The following THSD4 variants were observed in gnomAD, a reference collection of about 807,000 sequenced individuals.
THSD4 encodes the protein thrombospondin type 1 domain containing 4.
THSD4 carries 69 observed loss-of-function variants against 119.0 expected under a neutral mutation model. The ratio of observed to expected loss-of-function variants is 0.58; its 90% CI spans 0.48 to 0.71. THSD4 has a LOEUF of 0.71. Among genes scored for constraint, THSD4 ranks in the 30% least tolerant of loss-of-function variants. THSD4 has a pLI of 0.00. For missense variants in THSD4, 1,393 were observed against 1,391.1 expected, an observed-to-expected ratio of 1.00 and a Z score of -0.02; for synonymous variants, 524 against 540.4, an observed-to-expected ratio of 0.97 and a Z score of 0.42.
Position 71,672,802 on chromosome 15 carries a change from G to T in THSD4, c.1357+12068G>T, listed in dbSNP as rs570721443. On this transcript the variant is annotated intron_variant, in intron 8 of 17. Coordinates refer to ENST00000261862, the MANE Select transcript of THSD4 (RefSeq NM_024817.3). ...TGACGGATTATGTTTATTGATTTGC[G>T]TATGTTGAACCAGCCTTGGATCCCA... 1.8e-4 allele frequency among the ~76,000 whole-genome samples: 27 copies of T among 152,236 alleles called. No homozygotes were observed. The South Asian group carries it at 1.9e-3, about 11-fold the overall frequency.
intron 4 of THSD4, among the ~76,000 whole-genome samples, chr15:71,235,404 T>G (rs2044095422): frequency 6.6e-6 from 1 of 152,198 alleles, no homozygotes; most frequent in South Asian, 2.1e-4. Flanking sequence ...CAGTAGTATC[T>G]TAGATTTTCT....
chr15:71,206,026 T>C (rs919737650), intron 3 of THSD4, among the ~76,000 whole-genome samples: 1 of 152,144 alleles, frequency 6.6e-6, no homozygotes, highest in Non-Finnish European at 1.5e-5. Context: ...AAACCTCCCA[T>C]CTGTTCTTCA....
chr15:71,295,186 G>T (rs1275149002), intron 6 of THSD4, among the ~76,000 whole-genome samples: 1 of 152,148 alleles, frequency 6.6e-6, no homozygotes, highest in African/African-American at 2.4e-5. Flanking sequence ...TTCCTTACTG[G>T]TCCTGCAGTG....
chr15:71,688,099 C>G (rs1223366010), intron 8 of THSD4, among the ~76,000 whole-genome samples: 1 of 152,218 alleles, frequency 6.6e-6, no homozygotes, highest in African/African-American at 2.4e-5. Flanking sequence ...GAGCACAAAT[C>G]TGTATTTTCC....
intron 14 of THSD4, among the ~76,000 whole-genome samples, chr15:71,756,136 T>G (rs771305580): frequency 1.3e-5 from 2 of 152,160 alleles, no homozygotes; most frequent in Non-Finnish European, 2.9e-5. Flanking sequence ...TCAGAGGGAA[T>G]TTTTAGCATG....
intron 8 of THSD4, among the ~76,000 whole-genome samples, chr15:71,717,024 G>A (rs1254248555): frequency 6.6e-6 from 1 of 152,210 alleles, no homozygotes; most frequent in East Asian, 1.9e-4. Context: ...CTCTGTGCCA[G>A]GAGGAAGATG....
chr15:71,100,168 T>C (rs905623845), intron 1 of THSD4, among the ~76,000 whole-genome samples: 1 of 152,232 alleles, frequency 6.6e-6, no homozygotes, highest in Non-Finnish European at 1.5e-5. Context: ...TTGTTTAATC[T>C]CCACTCCTTA....
chr15:71,324,107 T>C (rs1457889748), intron 6 of THSD4, among the ~76,000 whole-genome samples: 1 of 152,166 alleles, frequency 6.6e-6, no homozygotes, highest in Non-Finnish European at 1.5e-5. Context: ...GAAATGTTAA[T>C]ACCGCAGGTA....
intron 8 of THSD4, 56 bp from the exon 9 acceptor site, chr15:71,728,493 T>C: frequency 6.3e-7 from 1 of 1,590,388 alleles, no homozygotes; most frequent in Admixed American, 1.7e-5. Context: ...GAGTCAGTTC[T>C]GTTTCTTGTG....
At chr15:71,379,312 A>C (rs570957152) in intron 6 of THSD4, among the ~76,000 whole-genome samples, 1 of 151,902 alleles carries the variant, frequency 6.6e-6, no homozygotes, top group African/African-American at 2.4e-5. Context: ...TTACATGGCT[A>C]TTGTTTTCTT....
intron 6 of THSD4, among the ~76,000 whole-genome samples, chr15:71,306,073 T>G (rs1400747160): frequency 6.6e-6 from 1 of 152,042 alleles, no homozygotes; most frequent in Non-Finnish European, 1.5e-5. Context: ...TTTGTGAGGC[T>G]GAGGTGGGCA....
rs866027048 is a variant in THSD4 at position 71,326,704 on chromosome 15, T to A, written c.1015+69989T>A. ...AAAAAAAAAAAAAAAAAAAAAAATA[T>A]ATATATATATATATATATATATTAG... On this transcript the variant is annotated intron_variant, in intron 6 of 17. Transcript: ENST00000261862. Among the ~76,000 whole-genome samples the A allele has an allele frequency of 3.8e-3, 147 of 38,570 alleles. 1 individual carries two copies. The highest frequency in any genetic ancestry group is 5.3e-3 in the Non-Finnish European group (101 of 19,156). The allele number at this position is 38,570 out of a possible 152,430, so 25.3% of individuals were successfully genotyped here. A position where few individuals can be genotyped will look rare whatever the true frequency, so the allele number is the denominator to read the frequency against.
At chr15:71,117,658 C>T (rs570948439) in intron 1 of THSD4, among the ~76,000 whole-genome samples, 7 of 152,316 alleles carry the variant, frequency 4.6e-5, no homozygotes, top group Non-Finnish European at 7.4e-5. Context: ...CTCCCAGCCA[C>T]GAGTTGCTTT....
chr15:71,710,178 T>C (rs2052480474), intron 8 of THSD4, among the ~76,000 whole-genome samples: 1 of 152,208 alleles, frequency 6.6e-6, no homozygotes, highest in Non-Finnish European at 1.5e-5. Context: ...TCAAATAACA[T>C]AAAATATTTA....
chr15:71,675,342 G>T (rs1470681072), intron 8 of THSD4, among the ~76,000 whole-genome samples: 1 of 152,116 alleles, frequency 6.6e-6, no homozygotes, highest in Non-Finnish European at 1.5e-5. Context: ...CTCCAGCTCG[G>T]TACTTAAATA....
At chr15:71,421,227 G>A (rs1595751425) in intron 7 of THSD4, among the ~76,000 whole-genome samples, 1 of 87,512 alleles carries the variant, frequency 1.1e-5, no homozygotes, top group Non-Finnish European at 2.3e-5. Context: ...ATAATATTCT[G>A]TGTTTTTCTG....
rs1259100312 is a variant in THSD4, at chr15:71,224,723, C to T, written c.464+9324C>T. 2.0e-5 allele frequency among the ~76,000 whole-genome samples: 3 copies of T among 152,186 alleles called. No homozygotes were observed. In the East Asian group the frequency reaches 5.8e-4, roughly 29 times the overall value. On this transcript the variant is annotated intron_variant, in intron 4 of 17. Transcript: ENST00000261862. The stretch of plus-strand genomic sequence containing the variant: ...TCCCTTCTCCAGCTTTGAGAGGCTG[C>T]CTACTTGCATTGGCTCGTGGCCCCT...
intron 6 of THSD4, among the ~76,000 whole-genome samples, chr15:71,344,038 CTTT>C (rs34729777): frequency 1.2e-4 from 15 of 120,500 alleles, no homozygotes; most frequent in Non-Finnish European, 1.0e-4. Context: ...AGCCAGGATT[CTTT>C]TTTTTTTTTT....
At chr15:71,623,767 A>G (rs2050459387) in intron 7 of THSD4, among the ~76,000 whole-genome samples, 1 of 152,020 alleles carries the variant, frequency 6.6e-6, no homozygotes, top group African/African-American at 2.4e-5. Context: ...TACTAAAAAT[A>G]CAAAAATTAG....
Sources: allele counts gnomAD v4.1 joint callset (sites outside exome capture counted in the v4.1 genomes callset), GRCh38; gene constraint gnomAD v4.1.1; transcripts MANE v1.5; gene names NCBI Gene and HGNC (gene_info 2026-07-23, HGNC 2026-07-21).